VCL: variants seen among roughly 807,000 people sequenced by gnomAD.
VCL encodes the protein vinculin.
In VCL, 47 loss-of-function variants were observed where a neutral mutation model predicts 125.7. That is an observed-to-expected ratio of 0.37 (90% CI 0.30 to 0.48). The LOEUF (loss-of-function observed/expected upper bound fraction) is 0.48. Ranked by LOEUF, VCL falls within the 20% of genes least tolerant of loss-of-function variation. The probability of loss-of-function intolerance (pLI) is 0.99; values close to 1 mark genes in which losing one functional copy is unlikely to be tolerated. For missense variants in VCL, 1,069 were observed against 1,455.5 expected (o/e 0.73, Z 4.32); for synonymous variants, 458 against 514.6 (o/e 0.89, Z 1.49).
In VCL at chr10:74,066,673, A is replaced by AT. The variant is rs34258352; in HGVS notation, c.240-3981dup. On this transcript the variant is annotated intron_variant, in intron 2 of 21. Coordinates refer to ENST00000211998, the MANE Select transcript of VCL (RefSeq NM_014000.3). ...GTACCTGGTACTATTTTATAAAATG[A>AT]TTTTTTTTTTTTTTTTGAGACTAAA... 7.6e-3 allele frequency among the ~76,000 whole-genome samples: 1,086 copies of AT among 142,550 alleles called. 13 individuals carry two copies. The highest frequency in any genetic ancestry group is 0.012 in the Non-Finnish European group (768 of 65,062). The allele number at this position is 142,550 out of a possible 152,430, so 93.5% of individuals were successfully genotyped here. A position where few individuals can be genotyped will look rare whatever the true frequency, so the allele number is the denominator to read the frequency against.
At chr10:74,114,614 A>G (rs1840284008) in intron 20 of VCL, among the ~76,000 whole-genome samples, 181 bp from the exon 21 acceptor site, 1 of 151,692 alleles carries the variant, frequency 6.6e-6, no homozygotes, top group Admixed American at 6.6e-5. Flanking sequence ...GAATGCTTCC[A>G]TTTCTGGAGA....
chr10:74,107,352 C>A lies in VCL; in HGVS notation c.2557C>A (p.Arg853=). 1.2e-6 allele frequency: 2 copies of A among 1,614,158 alleles called. No individual in the cohort carries two copies. The highest frequency in any genetic ancestry group is 2.2e-5 in the South Asian group (2 of 91,072). The change falls in exon 17 of 22, where the codon CGA becomes AGA. Residue 853 remains arginine, a splice_region_variant and synonymous_variant. Coordinates refer to ENST00000211998, the MANE Select transcript of VCL (RefSeq NM_014000.3). ...PPPPPDLEQL[R]LTDELAPPKP... is the part of the protein sequence containing the mutation. ...GCCTCCACCAGACCTTGAACAACTC[C>A]GAGTAAGTAAATTCAGATATGCAGA...
intron 1 of VCL, among the ~76,000 whole-genome samples, chr10:74,008,192 C>T (rs1226545331): frequency 6.6e-6 from 1 of 152,080 alleles, no homozygotes; most frequent in East Asian, 1.9e-4. Context: ...TGAATATTTC[C>T]CATCCCCAGC....
intron 12 of VCL, among the ~76,000 whole-genome samples, chr10:74,096,660 C>G (rs1479698764): frequency 3.3e-5 from 5 of 152,126 alleles, no homozygotes; most frequent in African/African-American, 1.2e-4. Context: ...TATTTAGACC[C>G]ATGTTGAGAA....
chr10:74,102,884 C>T (rs77245588), intron 14 of VCL, among the ~76,000 whole-genome samples: 12 of 150,336 alleles, frequency 8.0e-5, no homozygotes, highest in South Asian at 2.1e-4. Flanking sequence ...TTTTTTTTTC[C>T]GAGACGGAGT....
At chr10:74,018,684 TA>T (rs1186555610) in intron 1 of VCL, among the ~76,000 whole-genome samples, 2 of 151,758 alleles carry the variant, frequency 1.3e-5, no homozygotes, top group African/African-American at 4.8e-5. Flanking sequence ...ATAAATCAGT[TA>T]AAAAAAACAA....
intron 1 of VCL, among the ~76,000 whole-genome samples, chr10:74,037,999 C>CTT (rs56198344): frequency 4.1e-4 from 53 of 130,066 alleles, no homozygotes; most frequent in African/African-American, 1.5e-3. Flanking sequence ...CTTTTCTTTT[C>CTT]TTTTTTTTTT....
chr10:74,026,993 A>G (rs898406701), intron 1 of VCL, among the ~76,000 whole-genome samples: 1 of 152,238 alleles, frequency 6.6e-6, no homozygotes, highest in Non-Finnish European at 1.5e-5. Context: ...TGCAAAAGCT[A>G]TAATGTAACT....
intron 18 of VCL, among the ~76,000 whole-genome samples, chr10:74,111,550 T>C (rs1254894628): frequency 2.0e-5 from 3 of 152,228 alleles, no homozygotes; most frequent in East Asian, 3.8e-4. Flanking sequence ...GTTTGGTTGT[T>C]TGGCTCCTCA....
intron 14 of VCL, 65 bp downstream of exon 14, chr10:74,101,162 T>C (rs544715235): frequency 1.3e-6 from 2 of 1,569,388 alleles, no homozygotes; most frequent in South Asian, 1.2e-5. Context: ...ACAGTTTCTA[T>C]ACATTTTTGA....
intron 10 of VCL, among the ~76,000 whole-genome samples, chr10:74,091,040 A>G (rs1319775297): frequency 6.6e-6 from 1 of 152,092 alleles, no homozygotes; most frequent in African/African-American, 2.4e-5. Context: ...GGCTCAAGCT[A>G]TCCTCCCACT....
intron 10 of VCL, among the ~76,000 whole-genome samples, chr10:74,091,450 A>C (rs1000761044): frequency 6.6e-6 from 1 of 152,174 alleles, no homozygotes; most frequent in African/African-American, 2.4e-5. Flanking sequence ...ATAAAGGAGA[A>C]TGTTATAAAA....
chr10:74,060,491 C>T (rs1007867185), intron 2 of VCL, among the ~76,000 whole-genome samples: 1 of 150,134 alleles, frequency 6.7e-6, no homozygotes. Flanking sequence ...CATCTCTACG[C>T]AAAATACAAA....
chr10:74,109,993 G>T (rs1316481255), intron 18 of VCL, among the ~76,000 whole-genome samples: 1 of 151,966 alleles, frequency 6.6e-6, no homozygotes, highest in East Asian at 1.9e-4. Context: ...TGTGTCGATT[G>T]TATTTCCTCA....
chr10:74,059,310 C>G (rs921047586), intron 2 of VCL, among the ~76,000 whole-genome samples: 3 of 151,338 alleles, frequency 2.0e-5, no homozygotes, highest in Admixed American at 2.0e-4. Context: ...GGGCTGAGAT[C>G]GCACCACTGC....
In VCL at chr10:74,104,948, C is replaced by G. The variant is rs530271244; in HGVS notation, c.2132-103C>G. On this transcript the variant is annotated intron_variant, in intron 15 of 21. Transcript: ENST00000211998. ...AGAGTTTGAGCTGAAGAAGAGAATT[C>G]TGGATGTTATACTTTCTCATGAGAA... 7.7e-6 allele frequency: 10 copies of G among 1,295,738 alleles called. No homozygotes were observed. The East Asian group carries it at 2.5e-4, about 32-fold the overall frequency. The allele number at this position is 1,295,738 out of a possible 1,614,324, so 80.3% of individuals were successfully genotyped here.
chr10:74,073,278 C>CAGCCT, intron 5 of VCL, among the ~76,000 whole-genome samples: 1 of 152,290 alleles, frequency 6.6e-6, no homozygotes, highest in African/African-American at 2.4e-5. Context: ...GCATGTCCTT[C>CAGCCT]AGCCTAGGTA....
chr10:74,113,318 A>G (rs961948662), intron 19 of VCL, among the ~76,000 whole-genome samples: 2 of 152,204 alleles, frequency 1.3e-5, no homozygotes, highest in Non-Finnish European at 2.9e-5. Context: ...CAAAATGCCA[A>G]GTCTAAGATA....
At position 74,049,110 on chromosome 10, in the gene VCL, AAAAC is replaced by A. The variant is rs71482566; in HGVS notation, c.239+5981_239+5984del. 2.0e-3 allele frequency among the ~76,000 whole-genome samples: 291 copies of A among 146,624 alleles called. 1 individual carries two copies. The highest frequency in any genetic ancestry group is 0.014 in the Middle Eastern group (4 of 284). On this transcript the variant is annotated intron_variant, in intron 2 of 21. Transcript: ENST00000211998. ...CGACAGAGCGAGACTCCATCTCAAA[AAAAC>A]AAACAAACAAACAAACAAACAAAAA...
Sources: gnomAD v4.1 joint callset for allele counts (sites outside exome capture counted in the v4.1 genomes callset) on GRCh38, gnomAD v4.1.1 for gene constraint, MANE v1.5 for transcripts, NCBI Gene and HGNC (gene_info 2026-07-23, HGNC 2026-07-21) for gene names.